Variants in RAB3GAP1 observed in about 807,000 individuals in gnomAD.
RAB3GAP1 encodes the protein RAB3 GTPase activating protein catalytic subunit 1, also known as rab3 GTPase-activating protein catalytic subunit.
RAB3GAP1 carries 86 observed loss-of-function variants against 130.7 expected under a neutral mutation model. The ratio of observed to expected loss-of-function variants is 0.66; its 90% CI spans 0.55 to 0.79. The LOEUF is 0.79. RAB3GAP1 is among the 30% of genes least tolerant of loss of function. RAB3GAP1 has a pLI of 0.00. For synonymous variants in RAB3GAP1, 367 were observed against 401.7 expected (o/e 0.91, Z 1.03); for missense variants, 1,029 against 1,169.4 (o/e 0.88, Z 1.75).
At position 135,127,107 on chromosome 2, in the gene RAB3GAP1, C is replaced by T. The variant is rs529813889; in HGVS notation, c.973+451C>T. ...ATCCAGGATAGTCTTGATCTCCTGA[C>T]CTCGTGATCCGCCCGCCTCGGCCTC... On this transcript the variant is annotated intron_variant, in intron 11 of 23. Transcript: ENST00000264158. Among the ~76,000 whole-genome samples the T allele has an allele frequency of 9.9e-5, 15 of 151,730 alleles. 1 individual carries two copies. Among genetic ancestry groups the T allele is most frequent in the Admixed American group, 8.5e-4 (13 of 15,244 alleles).
intron 3 of RAB3GAP1, among the ~76,000 whole-genome samples, chr2:135,070,583 C>T (rs1290866295): frequency 5.9e-5 from 9 of 152,164 alleles, no homozygotes; most frequent in African/African-American, 1.9e-4. Context: ...TCTCGGCTCA[C>T]TGCAACCTCT....
chr2:135,081,371 T>TACAC (rs1689815089), intron 3 of RAB3GAP1, among the ~76,000 whole-genome samples: 1 of 104,504 alleles, frequency 9.6e-6, no homozygotes, highest in Non-Finnish European at 1.8e-5. Context: ...TACACACACG[T>TACAC]GTGTGTGTGT....
In RAB3GAP1 at chr2:135,170,273, G is replaced by A. The variant is rs962995691; in HGVS notation, c.*1492G>A. ...CAAAGGCATTGTGAATCTAATAAAA[G>A]GAAAGTGTCGCTTTCTGTGGCGTTT... On this transcript the variant is annotated 3_prime_UTR_variant, in exon 24 of 24. Coordinates refer to ENST00000264158, the MANE Select transcript of RAB3GAP1 (RefSeq NM_012233.3). 2.6e-5 allele frequency: 4 copies of A among 152,038 alleles called. No homozygotes were observed. Among genetic ancestry groups the A allele is most frequent in the African/African-American group, 9.7e-5 (4 of 41,384 alleles). The allele number at this position is 152,038 out of a possible 1,614,324, so 9.4% of individuals were successfully genotyped here.
Position 135,130,006 on chromosome 2 carries a change from A to G in RAB3GAP1, c.985A>G (p.Thr329Ala). ...NPQCLLGDFVTEFFKICRRKE... is the reference protein window; with the variant it reads ...NPQCLLGDFVAEFFKICRRKE... ...TTTTTCCTACATAGGTGATTTTGTCACTGAATTTTTTAAAATTTGCCGTCG... is the reference window on the plus strand; with the variant it reads ...TTTTTCCTACATAGGTGATTTTGTCGCTGAATTTTTTAAAATTTGCCGTCG... The change falls in exon 12 of 24, where the codon ACT becomes GCT. Residue 329 changes from threonine to alanine, a missense_variant. Thr to Ala is a moderately conservative substitution (Grantham distance 58). Transcript: ENST00000264158. 6.2e-7 allele frequency: 1 copy of G among 1,609,982 alleles called. No homozygotes were observed. Among genetic ancestry groups the G allele is most frequent in the East Asian group, 2.2e-5 (1 of 44,746 alleles).
chr2:135,084,358 C>T (rs537359698), intron 3 of RAB3GAP1, among the ~76,000 whole-genome samples: 8 of 152,340 alleles, frequency 5.3e-5, no homozygotes, highest in Non-Finnish European at 1.0e-4. Flanking sequence ...CAAACATCTT[C>T]TCCCGTTCTC....
intron 3 of RAB3GAP1, among the ~76,000 whole-genome samples, chr2:135,078,554 C>A (rs1336396017): frequency 6.6e-6 from 1 of 151,578 alleles, no homozygotes; most frequent in Non-Finnish European, 1.5e-5. Flanking sequence ...ATATACATAT[C>A]ATTTTATTTT....
At chr2:135,113,363 G>A in intron 6 of RAB3GAP1, 93 bp downstream of exon 6, 1 of 1,507,026 alleles carries the variant, frequency 6.6e-7, no homozygotes, top group Non-Finnish European at 9.2e-7. Flanking sequence ...CTTTTTAACT[G>A]TAATTAGGAA....
At chr2:135,081,303 T>A (rs1214245707) in intron 3 of RAB3GAP1, among the ~76,000 whole-genome samples, 1 of 44,826 alleles carries the variant, frequency 2.2e-5, no homozygotes, top group Non-Finnish European at 3.1e-5. Flanking sequence ...CAAGACTCCG[T>A]CTCAAAAAAA....
intron 3 of RAB3GAP1, chr2:135,058,747 GATTCACTGTGA>G (rs1160024378): frequency 5.9e-5 from 9 of 152,102 alleles, no homozygotes; most frequent in African/African-American, 1.9e-4. Context: ...AACAAACCTG[GATTCACTGTGA>G]AGGGATCTAA....
At chr2:135,126,427 T>C (rs550220153) in intron 10 of RAB3GAP1, among the ~76,000 whole-genome samples, 156 bp from the exon 11 acceptor site, 2 of 152,226 alleles carry the variant, frequency 1.3e-5, no homozygotes, top group Non-Finnish European at 2.9e-5. Flanking sequence ...TAAAAACTTA[T>C]CCAAATGGCT....
intron 18 of RAB3GAP1, among the ~76,000 whole-genome samples, chr2:135,151,107 G>A (rs186174257): frequency 1.3e-4 from 20 of 152,278 alleles, no homozygotes; most frequent in African/African-American, 4.8e-4. Flanking sequence ...TCTGTATTTC[G>A]AACATACAGG....
intron 17 of RAB3GAP1, among the ~76,000 whole-genome samples, chr2:135,143,356 A>G (rs993242136): frequency 1.3e-5 from 2 of 151,908 alleles, no homozygotes; most frequent in Admixed American, 6.6e-5. Context: ...AGAGGGTTTT[A>G]TTAATTTTAT....
chr2:135,150,332 G>A (rs774621496), intron 17 of RAB3GAP1, 37 bp from the exon 18 acceptor site: 2 of 1,613,160 alleles, frequency 1.2e-6, no homozygotes, highest in Non-Finnish European at 1.7e-6. Context: ...TTTCTAAAAA[G>A]GGCTGTTTAT....
At chr2:135,092,337 C>T (rs1690165876) in intron 4 of RAB3GAP1, among the ~76,000 whole-genome samples, 1 of 152,168 alleles carries the variant, frequency 6.6e-6, no homozygotes, top group Non-Finnish European at 1.5e-5. Context: ...AAGGGAAGAT[C>T]ATGCATCAAG....
chr2:135,158,020 T>C (rs1431218068), intron 19 of RAB3GAP1, among the ~76,000 whole-genome samples: 2 of 152,066 alleles, frequency 1.3e-5, no homozygotes, highest in African/African-American at 4.8e-5. Flanking sequence ...GATGCAAATA[T>C]GAAATAAAGG....
intron 3 of RAB3GAP1, among the ~76,000 whole-genome samples, chr2:135,059,852 A>G (rs1186621985): frequency 6.6e-6 from 1 of 152,162 alleles, no homozygotes; most frequent in African/African-American, 2.4e-5. Flanking sequence ...TAAGATACAG[A>G]AAATATGGGC....
At chr2:135,094,647 C>A (rs1690240546) in intron 5 of RAB3GAP1, among the ~76,000 whole-genome samples, 1 of 152,160 alleles carries the variant, frequency 6.6e-6, no homozygotes, top group South Asian at 2.1e-4. Context: ...CTTAAATCTT[C>A]TTGTAAAACT....
chr2:135,099,770 C>G (rs1399145893), intron 5 of RAB3GAP1, among the ~76,000 whole-genome samples: 1 of 152,002 alleles, frequency 6.6e-6, no homozygotes, highest in Non-Finnish European at 1.5e-5. Context: ...GCAGAAGTCT[C>G]AGTTCCAGTA....
intron 3 of RAB3GAP1, among the ~76,000 whole-genome samples, chr2:135,079,933 C>T (rs897125626): frequency 1.3e-5 from 2 of 151,686 alleles, no homozygotes; most frequent in Non-Finnish European, 2.9e-5. Context: ...ATCGAGACCA[C>T]GGTGAAACCC....
Sources: gnomAD v4.1 joint callset for allele counts (sites outside exome capture counted in the v4.1 genomes callset) on GRCh38, gnomAD v4.1.1 for gene constraint, MANE v1.5 for transcripts, NCBI Gene and HGNC (gene_info 2026-07-23, HGNC 2026-07-21) for gene names.